Variants in SCAF8 observed in about 807,000 individuals in gnomAD.
SCAF8 encodes SR-related CTD associated factor 8, also known as SR-related and CTD-associated factor 8.
Under a neutral mutation model 140.5 loss-of-function variants are expected in SCAF8, and 23 were observed. The ratio of observed to expected loss-of-function variants is 0.16; its 90% confidence interval spans 0.12 to 0.23. The LOEUF is 0.23. Ranked by LOEUF, SCAF8 falls within the 10% of genes least tolerant of loss-of-function variation. SCAF8 has a pLI of 1.00. For synonymous variants in SCAF8, 575 were observed against 528.9 expected (o/e 1.09, Z -1.20); for missense variants, 1,397 against 1,555.7 (o/e 0.90, Z 1.72).
At chr6:154,811,852 T>C (rs879745917) in intron 12 of SCAF8, among the ~76,000 whole-genome samples, 9 of 152,162 alleles carry the variant, frequency 5.9e-5, no homozygotes, top group Non-Finnish European at 1.0e-4. Context: ...TTCATGTCCC[T>C]GCAAAGGACA....
intron 2 of SCAF8, among the ~76,000 whole-genome samples, chr6:154,777,771 A>G (rs948723678): frequency 6.6e-6 from 1 of 152,186 alleles, no homozygotes; most frequent in African/African-American, 2.4e-5. Context: ...TGGTAAGGTA[A>G]TGCACTTTGG....
At chr6:154,736,179 C>T (rs1166937505) in intron 1 of SCAF8, among the ~76,000 whole-genome samples, 4 of 151,824 alleles carry the variant, frequency 2.6e-5, no homozygotes, top group African/African-American at 9.7e-5. Context: ...CGCCGCCACC[C>T]TCTTCCCCAC....
intron 1 of SCAF8, among the ~76,000 whole-genome samples, chr6:154,736,991 A>G (rs556455127): frequency 6.6e-6 from 1 of 152,370 alleles, no homozygotes; most frequent in African/African-American, 2.4e-5. Flanking sequence ...ACACAAAACA[A>G]TACATAATAC....
At position 154,749,249 on chromosome 6, in the gene SCAF8, C is replaced by CT. The variant is rs572158261; in HGVS notation, c.30+15321dup. On this transcript the variant is annotated intron_variant, in intron 1 of 19. Coordinates refer to ENST00000367178, the MANE Select transcript of SCAF8 (RefSeq NM_014892.5). Reference sequence around the variant, plus strand: ...AGCCACCGCACCCAGCCTAAAATCTCTTATTTTGCTAGTCCTACACAATTG... The same window carrying CT: ...AGCCACCGCACCCAGCCTAAAATCTCTTTATTTTGCTAGTCCTACACAATTG... 6.2e-4 allele frequency among the ~76,000 whole-genome samples: 95 copies of CT among 152,304 alleles called. 5 individuals are homozygous for CT. The South Asian group carries it at 0.017, about 27-fold the overall frequency.
intron 17 of SCAF8, among the ~76,000 whole-genome samples, chr6:154,825,883 G>A (rs1299163407): frequency 6.6e-6 from 1 of 151,980 alleles, no homozygotes; most frequent in Non-Finnish European, 1.5e-5. Context: ...TTAAGTTATA[G>A]TCTTTACCTA....
intron 12 of SCAF8, among the ~76,000 whole-genome samples, chr6:154,815,132 C>T (rs1778209142): frequency 1.3e-5 from 2 of 152,000 alleles, no homozygotes; most frequent in Admixed American, 1.3e-4. Context: ...CCCGTCTCTA[C>T]TAAAAATACA....
intron 1 of SCAF8, among the ~76,000 whole-genome samples, chr6:154,751,948 ACT>A (rs1313651738): frequency 6.6e-6 from 1 of 152,112 alleles, no homozygotes; most frequent in Non-Finnish European, 1.5e-5. Context: ...CCAGCAACTC[ACT>A]CTGCAGAAAA....
chr6:154,793,541 G>T (rs915702805), intron 5 of SCAF8, among the ~76,000 whole-genome samples: 47 of 150,896 alleles, frequency 3.1e-4, no homozygotes, highest in Non-Finnish European at 1.0e-4. Context: ...CCAGCCCTGC[G>T]CAGTGACTAA....
At chr6:154,743,381 T>G (rs938134329) in intron 1 of SCAF8, among the ~76,000 whole-genome samples, 1 of 152,250 alleles carries the variant, frequency 6.6e-6, no homozygotes, top group African/African-American at 2.4e-5. Flanking sequence ...GAATGTTTTC[T>G]TTTGTCCGTG....
chr6:154,774,483 G>A (rs902203141), intron 2 of SCAF8, among the ~76,000 whole-genome samples: 1 of 152,022 alleles, frequency 6.6e-6, no homozygotes, highest in African/African-American at 2.4e-5. Flanking sequence ...ATAATATTTT[G>A]CATATATCCA....
At chr6:154,787,773 T>A (rs1777295144) in intron 3 of SCAF8, 88 bp from the exon 4 acceptor site, 1 of 1,078,038 alleles carries the variant, frequency 9.3e-7, no homozygotes, top group Non-Finnish European at 1.4e-6. Context: ...AATGTCTTTG[T>A]ATTTACACAG....
chr6:154,781,198 A>G (rs1383648617), intron 3 of SCAF8, among the ~76,000 whole-genome samples: 3 of 152,080 alleles, frequency 2.0e-5, no homozygotes, highest in African/African-American at 7.2e-5. Flanking sequence ...AACAATATAC[A>G]CCAAGCAGAG....
At chr6:154,792,568 C>T (rs1777455388) in intron 4 of SCAF8, among the ~76,000 whole-genome samples, 1 of 152,148 alleles carries the variant, frequency 6.6e-6, no homozygotes, top group African/African-American at 2.4e-5. Flanking sequence ...AGAGAGGAAG[C>T]CTGGATGTCA....
At chr6:154,777,100 G>A (rs1776937357) in intron 2 of SCAF8, among the ~76,000 whole-genome samples, 1 of 152,068 alleles carries the variant, frequency 6.6e-6, no homozygotes. Flanking sequence ...AGAATCGCTT[G>A]AACCCGGGAG....
intron 2 of SCAF8, among the ~76,000 whole-genome samples, chr6:154,774,324 C>T (rs990714158): frequency 5.9e-5 from 9 of 152,132 alleles, no homozygotes; most frequent in African/African-American, 1.9e-4. Flanking sequence ...TGCAGTGCCA[C>T]GATCATAGCT....
intron 1 of SCAF8, among the ~76,000 whole-genome samples, chr6:154,756,418 A>G (rs1284757054): frequency 6.6e-6 from 1 of 152,218 alleles, no homozygotes; most frequent in Non-Finnish European, 1.5e-5. Flanking sequence ...ATTGTTAGAT[A>G]AATGGAGGTG....
chr6:154,794,968 C>A (rs879615054), intron 5 of SCAF8, 41 bp from the exon 6 acceptor site: 28 of 1,542,118 alleles, frequency 1.8e-5, no homozygotes, highest in African/African-American at 2.8e-5. Flanking sequence ...TAGTTACTTA[C>A]TTACATATTT....
intron 1 of SCAF8, among the ~76,000 whole-genome samples, chr6:154,746,175 C>G (rs1029992418): frequency 6.6e-6 from 1 of 152,172 alleles, no homozygotes; most frequent in East Asian, 1.9e-4. Flanking sequence ...TTTAAGCCAC[C>G]GCACCCAGCT....
In SCAF8 at chr6:154,777,245, C is replaced by T. The variant is rs575863921; in HGVS notation, c.115-756C>T. Among the ~76,000 whole-genome samples, 13 of 151,500 alleles carry T rather than the reference C, an allele frequency of 8.6e-5. No homozygotes were observed. The South Asian group carries it at 1.7e-3, about 19-fold the overall frequency. On this transcript the variant is annotated intron_variant, in intron 2 of 19. Transcript: ENST00000367178. Reference sequence around the variant, plus strand: ...TCAGGTTCTTTAAACAGAAATCATACGCCAATATGGTATTGTTATTGTGGC... The same window carrying T: ...TCAGGTTCTTTAAACAGAAATCATATGCCAATATGGTATTGTTATTGTGGC...
Sources: allele counts gnomAD v4.1 joint callset (sites outside exome capture counted in the v4.1 genomes callset), GRCh38; gene constraint gnomAD v4.1.1; transcripts MANE v1.5; gene names NCBI Gene and HGNC (gene_info 2026-07-23, HGNC 2026-07-21).